The following MBD5 variants were observed in gnomAD, a reference collection of about 807,000 sequenced individuals.
The protein encoded by MBD5 is methyl-CpG binding domain protein 5.
Under a neutral mutation model 117.3 loss-of-function variants are expected in MBD5, and 13 were observed. The ratio of observed to expected loss-of-function variants is 0.11; its 90% confidence interval spans 0.07 to 0.18. The LOEUF (loss-of-function observed/expected upper bound fraction) is 0.18. Ranked by LOEUF, MBD5 falls within the 10% of genes least tolerant of loss-of-function variation. The pLI, the probability that MBD5 is intolerant of heterozygous loss-of-function variation, is 1.00. For missense variants in MBD5, 1,879 were observed against 2,093.8 expected, an observed-to-expected ratio of 0.90 and a Z score of 2.00; for synonymous variants, 727 against 766.4, an observed-to-expected ratio of 0.95 and a Z score of 0.85.
intron 4 of MBD5, among the ~76,000 whole-genome samples, chr2:148,424,308 G>A (rs1013700880): frequency 6.7e-6 from 1 of 149,470 alleles, no homozygotes; most frequent in African/African-American, 2.5e-5. Context: ...TAATGATAAA[G>A]GGATCAATGC....
intron 3 of MBD5, among the ~76,000 whole-genome samples, chr2:148,270,635 T>C (rs762237069): frequency 6.6e-6 from 1 of 152,126 alleles, no homozygotes; most frequent in Non-Finnish European, 1.5e-5. Context: ...GCAATCCTCC[T>C]GCCTTGGCCT....
rs1480591763 is a variant in MBD5 at position 148,403,839 on chromosome 2, A to G, written c.-556-54364A>G. On this transcript the variant is annotated intron_variant, in intron 4 of 13. Coordinates refer to ENST00000642680, the MANE Select transcript of MBD5 (RefSeq NM_001378120.1). ...CACAGGCAAGGTACAGATTTGTGCC[A>G]TGGCCAAAAGGATCACTTATGTTAC... Among the ~76,000 whole-genome samples, 3 of 152,166 alleles carry G rather than the reference A, an allele frequency of 2.0e-5. No individual in the cohort carries two copies. The East Asian group carries it at 5.8e-4, about 29-fold the overall frequency.
chr2:148,469,605 G>T lies in MBD5; in HGVS notation c.1662G>T (p.Gln554His). ...CCGGAAGTAGTTCTGTAAAGAGTCA[G>T]CCTGGTTTGCTGGGAATGCCTTTAA... Reference protein sequence around the residue: ...ASAGSSSVKSQPGLLGMPLNQ... With the variant: ...ASAGSSSVKSHPGLLGMPLNQ... The change falls in exon 8 of 14, where the codon CAG becomes CAT. Residue 554 changes from glutamine to histidine, a missense_variant. This residue lies in a region of MBD5 where 1,666 missense variants were observed against 1,792.2 expected (regional missense o/e 0.93). Transcript: ENST00000642680. 1 of 1,613,910 alleles carries T rather than the reference G, an allele frequency of 6.2e-7. No homozygotes were observed. Among genetic ancestry groups the T allele is most frequent in the Non-Finnish European group, 8.5e-7 (1 of 1,179,908 alleles).
chr2:148,388,350 C>T (rs775926058), intron 4 of MBD5, among the ~76,000 whole-genome samples: 3 of 151,874 alleles, frequency 2.0e-5, no homozygotes, highest in Non-Finnish European at 2.9e-5. Context: ...TGGATATAAA[C>T]GATTACAAAT....
chr2:148,049,324 CTAGAAATTTA>C (rs1212280899), intron 1 of MBD5, among the ~76,000 whole-genome samples: 1 of 152,142 alleles, frequency 6.6e-6, no homozygotes, highest in Non-Finnish European at 1.5e-5. Context: ...TTGGATAGCA[CTAGAAATTTA>C]TGGAAATCTG....
chr2:148,147,786 G>A (rs1300391850), intron 1 of MBD5, among the ~76,000 whole-genome samples: 1 of 152,148 alleles, frequency 6.6e-6, no homozygotes, highest in Non-Finnish European at 1.5e-5. Context: ...GGGCCTGTGT[G>A]TGTGTGTTGG....
intron 1 of MBD5, among the ~76,000 whole-genome samples, chr2:148,052,962 CAA>C (rs780207792): frequency 1.9e-4 from 20 of 102,640 alleles, no homozygotes; most frequent in Non-Finnish European, 3.5e-4. Context: ...GAGTTCGTCT[CAA>C]AAAAAAAAAA....
chr2:148,106,487 C>T (rs1696375581), intron 1 of MBD5, among the ~76,000 whole-genome samples: 1 of 151,810 alleles, frequency 6.6e-6, no homozygotes, highest in Admixed American at 6.6e-5. Context: ...AAACATATAA[C>T]TAATTTTAAA....
At chr2:148,501,934 C>T (rs760873358) in intron 11 of MBD5, among the ~76,000 whole-genome samples, 2 of 152,202 alleles carry the variant, frequency 1.3e-5, no homozygotes, top group African/African-American at 2.4e-5. Flanking sequence ...GTATTATTGT[C>T]CTCATTTTAC....
chr2:148,126,530 G>T (rs1696901876), intron 1 of MBD5, among the ~76,000 whole-genome samples: 1 of 152,000 alleles, frequency 6.6e-6, no homozygotes, highest in Non-Finnish European at 1.5e-5. Context: ...GCTGTATATG[G>T]TAAGTGTTTT....
intron 4 of MBD5, among the ~76,000 whole-genome samples, chr2:148,352,141 C>CAAAGTAGCTTTGTTATA (rs1703264681): frequency 6.6e-6 from 1 of 152,016 alleles, no homozygotes; most frequent in African/African-American, 2.4e-5. Flanking sequence ...AGGCTCTGGA[C>CAAAGTAGCTTTGTTATA]AAAGTAGCTT....
intron 8 of MBD5, chr2:148,481,926 C>T (rs1377202678): frequency 6.6e-6 from 1 of 151,978 alleles, no homozygotes; most frequent in African/African-American, 2.4e-5. Flanking sequence ...ATTTTCATCC[C>T]TAGTGTAAGG....
At chr2:148,163,551 G>C (rs1041100630) in intron 1 of MBD5, among the ~76,000 whole-genome samples, 2 of 152,124 alleles carry the variant, frequency 1.3e-5, no homozygotes, top group South Asian at 2.1e-4. Context: ...AAGTAGCTGG[G>C]ATTACAGGCA....
intron 4 of MBD5, among the ~76,000 whole-genome samples, chr2:148,434,734 T>C (rs1706102790): frequency 6.6e-6 from 1 of 152,106 alleles, no homozygotes; most frequent in Admixed American, 6.6e-5. Context: ...TATTCGGTGT[T>C]TTGGGGTAGA....
chr2:148,126,976 TC>T (rs368935165), intron 1 of MBD5, among the ~76,000 whole-genome samples: 13 of 139,328 alleles, frequency 9.3e-5, no homozygotes, highest in Admixed American at 3.1e-4. Context: ...TTTTTTTCTT[TC>T]TTTTTTTTTT....
At position 148,485,904 on chromosome 2, in the gene MBD5, G is replaced by C; in HGVS notation, c.3707G>C (p.Cys1236Ser). 6.2e-7 allele frequency: 1 copy of C among 1,614,058 alleles called. No individual in the cohort carries two copies. The highest frequency in any genetic ancestry group is 8.5e-7 in the Non-Finnish European group (1 of 1,179,968). Residue 1236 changes from cysteine (C) to serine (S), a missense_variant, in exon 10 of 14, where the codon TGC becomes TCC. Transcript: ENST00000642680. ...TTCCAAGGACAGTCCACAATTCCTT[G>C]CCCAGCTAACAATAACCCCATGGCT... ...QAFQGQSTIP[C>S]PANNNPMACL...
At chr2:148,118,452 A>C (rs1397745235) in intron 1 of MBD5, among the ~76,000 whole-genome samples, 1 of 151,402 alleles carries the variant, frequency 6.6e-6, no homozygotes, top group African/African-American at 2.4e-5. Context: ...ATATATATAT[A>C]GTTTAAATTA....
intron 7 of MBD5, among the ~76,000 whole-genome samples, chr2:148,464,912 G>C (rs2105591696): frequency 6.6e-6 from 1 of 151,408 alleles, no homozygotes; most frequent in Middle Eastern, 3.5e-3. Context: ...GGAGGCTGCA[G>C]TGAGCCATGA....
At chr2:148,321,533 C>G (rs1003849085) in intron 3 of MBD5, among the ~76,000 whole-genome samples, 2 of 152,074 alleles carry the variant, frequency 1.3e-5, no homozygotes, top group East Asian at 3.9e-4. Context: ...GAAAGCAGAC[C>G]CACTCAGATC....
Sources: gnomAD v4.1 joint callset for allele counts (sites outside exome capture counted in the v4.1 genomes callset) on GRCh38, gnomAD v4.1.1 for gene constraint, gnomAD v4.1.1 regional missense constraint, MANE v1.5 for transcripts, NCBI Gene and HGNC (gene_info 2026-07-23, HGNC 2026-07-21) for gene names.